CSMD1: variants seen among roughly 807,000 people sequenced by gnomAD.
CSMD1 encodes CUB and sushi domain-containing protein 1.
CSMD1 carries 213 observed loss-of-function variants against 417.5 expected under a neutral mutation model. That is an observed-to-expected ratio of 0.51 (90% CI 0.46 to 0.57). The LOEUF is 0.57. CSMD1 is among the 20% of genes least tolerant of loss of function. CSMD1 has a pLI of 0.00. For missense variants in CSMD1, 6,923 were observed against 4,529.7 expected (o/e 1.53, Z -15.17); for synonymous variants, 2,862 against 1,736.8 (o/e 1.65, Z -16.11).
intron 3 of CSMD1, among the ~76,000 whole-genome samples, chr8:4,408,224 C>G (rs913694452): frequency 6.6e-6 from 1 of 151,834 alleles, no homozygotes; most frequent in East Asian, 1.9e-4. Flanking sequence ...GCCATTCCTC[C>G]TTCCTTATTG....
At chr8:4,905,700 G>T (rs557738545) in intron 1 of CSMD1, among the ~76,000 whole-genome samples, 5 of 151,566 alleles carry the variant, frequency 3.3e-5, no homozygotes, top group African/African-American at 4.8e-5. Flanking sequence ...GGCGCCTGTA[G>T]TCCCAGCTCC....
chr8:3,709,680 G>GTTTTTCTTTTTTT (rs1801387837), intron 6 of CSMD1, among the ~76,000 whole-genome samples: 1 of 33,694 alleles, frequency 3.0e-5, no homozygotes, highest in Non-Finnish European at 5.7e-5. Context: ...GCAGCAGCAT[G>GTTTTTCTTTTTTT]TTTTTTTTTT....
chr8:2,994,720 G>A (rs1160061500), intron 54 of CSMD1, among the ~76,000 whole-genome samples: 1 of 152,092 alleles, frequency 6.6e-6, no homozygotes, highest in Non-Finnish European at 1.5e-5. Context: ...ATCTAATTCA[G>A]AAAATTATTT....
intron 1 of CSMD1, among the ~76,000 whole-genome samples, chr8:4,673,843 C>G (rs762827744): frequency 5.3e-5 from 8 of 151,920 alleles, no homozygotes; most frequent in Non-Finnish European, 8.8e-5. Context: ...TGAGTGCTTG[C>G]CAGGGACTGC....
chr8:3,812,716 G>T (rs577265967), intron 5 of CSMD1, among the ~76,000 whole-genome samples: 31 of 152,198 alleles, frequency 2.0e-4, no homozygotes, highest in Non-Finnish European at 3.8e-4. Flanking sequence ...TGTTTCCTCA[G>T]TAGACTCCAC....
At chr8:4,052,221 ACCC>A (rs1664882819) in intron 3 of CSMD1, among the ~76,000 whole-genome samples, 1 of 152,134 alleles carries the variant, frequency 6.6e-6, no homozygotes, top group African/African-American at 2.4e-5. Flanking sequence ...CACCGTGCCC[ACCC>A]AGTACTGCAG....
At chr8:4,697,421 C>T (rs1296734319) in intron 1 of CSMD1, among the ~76,000 whole-genome samples, 1 of 152,204 alleles carries the variant, frequency 6.6e-6, no homozygotes. Flanking sequence ...TGTATTTGGG[C>T]ATGCTCATAT....
chr8:3,689,484 G>A (rs1386167585), intron 7 of CSMD1, among the ~76,000 whole-genome samples: 2 of 152,208 alleles, frequency 1.3e-5, no homozygotes, highest in African/African-American at 4.8e-5. Flanking sequence ...AGACAGAATA[G>A]TGTTTTTATT....
intron 10 of CSMD1, among the ~76,000 whole-genome samples, chr8:3,516,457 T>G (rs777415857): frequency 6.6e-6 from 1 of 152,162 alleles, no homozygotes; most frequent in Admixed American, 6.5e-5. Flanking sequence ...GAGTGAGTCA[T>G]TGGAGTTGCC....
chr8:3,837,468 G>C (rs958077740), intron 5 of CSMD1, among the ~76,000 whole-genome samples: 2 of 152,000 alleles, frequency 1.3e-5, no homozygotes, highest in African/African-American at 4.8e-5. Flanking sequence ...TGTCCTCCTG[G>C]GACCTAATGC....
chr8:3,923,809 C>T (rs1809449435), intron 5 of CSMD1, among the ~76,000 whole-genome samples: 1 of 152,174 alleles, frequency 6.6e-6, no homozygotes, highest in Non-Finnish European at 1.5e-5. Flanking sequence ...CTGTTCTACT[C>T]CCTGCGTCTG....
At chr8:4,952,991 C>T (rs940969306) in intron 1 of CSMD1, among the ~76,000 whole-genome samples, 1 of 152,080 alleles carries the variant, frequency 6.6e-6, no homozygotes, top group African/African-American at 2.4e-5. Flanking sequence ...CACATCCATG[C>T]ATTCATACTT....
At chr8:4,259,310 G>A (rs951014890) in intron 3 of CSMD1, among the ~76,000 whole-genome samples, 2 of 152,082 alleles carry the variant, frequency 1.3e-5, no homozygotes, top group Admixed American at 6.6e-5. Context: ...TCTTAAGACT[G>A]TTTTCCTCCC....
At chr8:4,424,516 G>A (rs371455002) in intron 2 of CSMD1, among the ~76,000 whole-genome samples, 1 of 151,880 alleles carries the variant, frequency 6.6e-6, no homozygotes, top group Admixed American at 6.6e-5. Flanking sequence ...CAGCCAATCA[G>A]AATAGCTGAA....
intron 1 of CSMD1, among the ~76,000 whole-genome samples, chr8:4,644,430 C>A (rs563849363): frequency 6.6e-5 from 10 of 151,552 alleles, no homozygotes; most frequent in African/African-American, 2.4e-4. Context: ...TTTTTTGAGA[C>A]AGAGTCTCTC....
chr8:3,491,242 C>G (rs1237907956), intron 11 of CSMD1, among the ~76,000 whole-genome samples: 4 of 152,182 alleles, frequency 2.6e-5, no homozygotes, highest in Non-Finnish European at 4.4e-5. Flanking sequence ...AGCAGTATCA[C>G]ATCACTGAGT....
At chr8:3,828,368 G>C (rs1802174918) in intron 5 of CSMD1, among the ~76,000 whole-genome samples, 1 of 152,088 alleles carries the variant, frequency 6.6e-6, no homozygotes, top group African/African-American at 2.4e-5. Flanking sequence ...GATTTTCATA[G>C]AATATTTAGT....
At chr8:4,165,241 A>G (rs1012570234) in intron 3 of CSMD1, among the ~76,000 whole-genome samples, 2 of 152,228 alleles carry the variant, frequency 1.3e-5, no homozygotes, top group Non-Finnish European at 2.9e-5. Context: ...TCTTTTCAAA[A>G]GGACATGGAG....
At chr8:4,771,217 T>A (rs1412093032) in intron 1 of CSMD1, among the ~76,000 whole-genome samples, 1 of 152,194 alleles carries the variant, frequency 6.6e-6, no homozygotes, top group Non-Finnish European at 1.5e-5. Flanking sequence ...ATTAGCAATT[T>A]TCAAGAGGCA....
Sources: allele counts gnomAD v4.1 joint callset (sites outside exome capture counted in the v4.1 genomes callset), GRCh38; gene constraint gnomAD v4.1.1; transcripts MANE v1.5; gene names NCBI Gene and HGNC (gene_info 2026-07-23, HGNC 2026-07-21).